The following SUMF1 variants were observed in gnomAD, a reference collection of about 807,000 sequenced individuals.
SUMF1 encodes the protein sulfatase modifying factor 1.
Under a neutral mutation model 47.6 loss-of-function variants are expected in SUMF1, and 48 were observed. That is an observed-to-expected ratio of 1.01 (90% CI 0.80 to 1.28). The LOEUF is 1.28. Among genes scored for constraint, SUMF1 ranks in the 50% most tolerant of loss-of-function variants. SUMF1 has a pLI of 0.00. For synonymous variants in SUMF1, 230 were observed against 192.1 expected, an observed-to-expected ratio of 1.20 and a Z score of -1.63; for missense variants, 571 against 485.4, an observed-to-expected ratio of 1.18 and a Z score of -1.66.
chr3:4,371,258 G>A (rs370561071), intron 8 of SUMF1, among the ~76,000 whole-genome samples: 8 of 152,240 alleles, frequency 5.3e-5, no homozygotes, highest in South Asian at 4.1e-4. Context: ...TATTAATTAA[G>A]AACAGGGAAA....
chr3:4,079,339 C>A (rs976804163), intron 8 of SUMF1, among the ~76,000 whole-genome samples: 1 of 152,038 alleles, frequency 6.6e-6, no homozygotes, highest in Non-Finnish European at 1.5e-5. Context: ...ACCTCACATG[C>A]CCATTTTGAT....
At position 4,417,137 on chromosome 3, in the gene SUMF1, T is replaced by C. The variant is rs758807666; in HGVS notation, c.831A>G (p.Gly277=). The change falls in exon 6 of 9, where the codon GGA becomes GGG. Residue 277 remains glycine, a synonymous_variant. Coordinates refer to ENST00000272902, the MANE Select transcript of SUMF1 (RefSeq NM_182760.4). The stretch of plus-strand genomic sequence containing the variant: ...AGGTCTCATTACTCACAGGCGCAGT[T>C]CCTTGGAAGCCATCCTCACCAGTGT... ...VTNTGEDGFQ[G]TAPVDAFPPN... is the part of the protein sequence containing the mutation. The C allele has an allele frequency of 6.2e-7, 1 of 1,613,884 alleles. No individual in the cohort carries two copies. Among genetic ancestry groups the C allele is most frequent in the South Asian group, 1.1e-5 (1 of 91,078 alleles).
At chr3:4,038,218 G>A (rs950727458) in intron 9 of SUMF1, among the ~76,000 whole-genome samples, 2 of 152,094 alleles carry the variant, frequency 1.3e-5, no homozygotes, top group African/African-American at 4.8e-5. Context: ...TCTCCTGGGG[G>A]CTCCACCCCA....
chr3:4,392,611 GTGTGTATATATA>G (rs71053410), intron 7 of SUMF1, among the ~76,000 whole-genome samples: 33,871 of 127,534 alleles, frequency 0.27, 5,071 homozygotes, highest in Non-Finnish European at 0.35. Context: ...GTGTGTGTGT[GTGTGTATATATA>G]TATATATATA....
chr3:4,420,473 T>C (rs1300120509), intron 3 of SUMF1, among the ~76,000 whole-genome samples: 1 of 150,442 alleles, frequency 6.6e-6, no homozygotes, highest in Non-Finnish European at 1.5e-5. Context: ...CTTGGCTCAC[T>C]GCAACCTCCG....
At chr3:4,363,918 G>C (rs1699858996) in intron 8 of SUMF1, among the ~76,000 whole-genome samples, 1 of 145,220 alleles carries the variant, frequency 6.9e-6, no homozygotes. Context: ...AATTTATTGA[G>C]AGTTTTTAGC....
chr3:4,037,007 T>C (rs770088532), intron 9 of SUMF1, among the ~76,000 whole-genome samples: 16 of 152,106 alleles, frequency 1.1e-4, no homozygotes, highest in Admixed American at 9.2e-4. Context: ...ACACACAGCT[T>C]AAAAGTTTCA....
chr3:4,250,925 T>C (rs927893087), intron 8 of SUMF1, among the ~76,000 whole-genome samples: 3 of 152,182 alleles, frequency 2.0e-5, no homozygotes, highest in African/African-American at 7.2e-5. Flanking sequence ...GAGATGAATG[T>C]TGTTTTCACA....
At chr3:4,101,492 G>A (rs1327443647) in intron 8 of SUMF1, among the ~76,000 whole-genome samples, 2 of 152,068 alleles carry the variant, frequency 1.3e-5, no homozygotes, top group Non-Finnish European at 2.9e-5. Context: ...ATCTGGGGGT[G>A]GAGAAGATGG....
At chr3:4,445,378 C>G (rs898885302) in intron 3 of SUMF1, among the ~76,000 whole-genome samples, 1 of 152,174 alleles carries the variant, frequency 6.6e-6, no homozygotes, top group African/African-American at 2.4e-5. Context: ...CACTCTGTCA[C>G]CCAGCCTGGA....
chr3:4,253,225 T>C (rs986489801), intron 8 of SUMF1, among the ~76,000 whole-genome samples: 1 of 152,074 alleles, frequency 6.6e-6, no homozygotes, highest in African/African-American at 2.4e-5. Context: ...CTTTTTTCTC[T>C]CCATTGGAAA....
At chr3:4,321,470 T>TAAAAAAA (rs1206478992) in intron 8 of SUMF1, among the ~76,000 whole-genome samples, 206 of 63,524 alleles carry the variant, frequency 3.2e-3, no homozygotes, top group Non-Finnish European at 3.6e-3. Context: ...AAGGAAATGC[T>TAAAAAAA]AAAAAAAAAA....
At position 4,410,643 on chromosome 3, in the gene SUMF1, C is replaced by G. The variant is rs1447599401; in HGVS notation, c.954+222G>C. Among the ~76,000 whole-genome samples, 3 of 152,304 alleles carry G rather than the reference C, an allele frequency of 2.0e-5. No homozygotes were observed. The South Asian group carries it at 6.2e-4, about 32-fold the overall frequency. On this transcript the variant is annotated intron_variant, in intron 7 of 8. Coordinates refer to ENST00000272902, the MANE Select transcript of SUMF1 (RefSeq NM_182760.4). The stretch of plus-strand genomic sequence containing the variant: ...TAGGCAGATTTCCTCAAATAGTTAT[C>G]ACCATCACAATCCAGGAAAAGATAA...
intron 9 of SUMF1, among the ~76,000 whole-genome samples, chr3:4,036,908 G>A (rs1446704077): frequency 1.5e-5 from 2 of 132,246 alleles, no homozygotes; most frequent in Non-Finnish European, 3.1e-5. Flanking sequence ...GAATCATACA[G>A]AACTAGGTGG....
chr3:4,143,047 G>A (rs1464081868), intron 8 of SUMF1, among the ~76,000 whole-genome samples: 1 of 152,108 alleles, frequency 6.6e-6, no homozygotes, highest in Non-Finnish European at 1.5e-5. Flanking sequence ...GTGTCCCGCT[G>A]CAAAGAGGTT....
chr3:4,134,639 A>G (rs189314540), intron 8 of SUMF1, among the ~76,000 whole-genome samples: 51 of 152,234 alleles, frequency 3.4e-4, no homozygotes, highest in Non-Finnish European at 5.3e-4. Context: ...AACTGAAGGA[A>G]ATAGAGACAC....
chr3:4,100,745 A>G (rs1469045441), intron 8 of SUMF1, among the ~76,000 whole-genome samples: 3 of 152,090 alleles, frequency 2.0e-5, no homozygotes, highest in Non-Finnish European at 4.4e-5. Context: ...ATATTTTCAA[A>G]TCATGTATCA....
chr3:4,139,380 G>GA (rs1048339814), intron 8 of SUMF1, among the ~76,000 whole-genome samples: 3 of 151,574 alleles, frequency 2.0e-5, no homozygotes, highest in Non-Finnish European at 2.9e-5. Context: ...TAAGAATTCA[G>GA]AAAAAAATCA....
chr3:4,257,715 C>T lies in SUMF1; in HGVS notation c.1014+118615G>A, dbSNP rs527867413. 9.2e-3 allele frequency among the ~76,000 whole-genome samples: 1,390 copies of T among 151,448 alleles called. 16 individuals are homozygous for T. The highest frequency in any genetic ancestry group is 0.03 in the African/African-American group (1,251 of 41,208). ...GGTAATTTACAGATTCAATGCCATC[C>T]CCATCAAGCTACCAATGACTTTCTT... is the stretch of plus-strand genomic sequence containing the variant. On this transcript the variant is annotated intron_variant and NMD_transcript_variant, in intron 8 of 12. Transcript: ENST00000448413.
Sources: gnomAD v4.1 joint callset for allele counts (sites outside exome capture counted in the v4.1 genomes callset) on GRCh38, gnomAD v4.1.1 for gene constraint, MANE v1.5 for transcripts, NCBI Gene and HGNC (gene_info 2026-07-23, HGNC 2026-07-21) for gene names.